PDCD1LG2: variants seen among roughly 807,000 people sequenced by gnomAD.
PDCD1LG2 encodes the protein programmed cell death 1 ligand 2.
In PDCD1LG2, 32 loss-of-function variants were observed where a neutral mutation model predicts 28.2. The ratio of observed to expected loss-of-function variants is 1.13; its 90% confidence interval spans 0.86 to 1.52. The LOEUF is 1.52. Ranked by LOEUF, PDCD1LG2 falls within the 40% of genes most tolerant of loss-of-function variation. PDCD1LG2 has a pLI of 0.00. For missense variants in PDCD1LG2, 385 were observed against 323.8 expected, an observed-to-expected ratio of 1.19 and a Z score of -1.45; for synonymous variants, 116 against 120.2, an observed-to-expected ratio of 0.97 and a Z score of 0.23.
intron 1 of PDCD1LG2, among the ~76,000 whole-genome samples, chr9:5,521,316 G>A (rs532915177): frequency 1.3e-5 from 2 of 152,208 alleles, no homozygotes; most frequent in African/African-American, 2.4e-5. Context: ...GCACAACTCC[G>A]TGAACATACT....
chr9:5,567,073 G>C (rs72689436), intron 6 of PDCD1LG2, among the ~76,000 whole-genome samples: 3,904 of 152,166 alleles, frequency 0.026, 73 homozygotes, highest in Admixed American at 0.04. Context: ...AAAAGAAGAA[G>C]AATACTTTCT....
chr9:5,534,657 G>C, intron 2 of PDCD1LG2, 88 bp from the exon 3 acceptor site: 1 of 1,210,848 alleles, frequency 8.3e-7, no homozygotes, highest in Non-Finnish European at 1.1e-6. Context: ...TGGAAAATGG[G>C]GGTGAGATGG....
At chr9:5,549,758 TG>T (rs1264686683) in intron 4 of PDCD1LG2, among the ~76,000 whole-genome samples, 154 bp downstream of exon 4, 4 of 152,204 alleles carry the variant, frequency 2.6e-5, no homozygotes, top group African/African-American at 9.6e-5. Flanking sequence ...TGCAGAACAC[TG>T]GGGCTTCAAT....
At chr9:5,557,545 C>A (rs137866377) in intron 4 of PDCD1LG2, 73 bp from the exon 5 acceptor site, 3 of 1,547,086 alleles carry the variant, frequency 1.9e-6, no homozygotes, top group Non-Finnish European at 2.7e-6. Flanking sequence ...CTGTCACCCA[C>A]TCATGTGGCC....
At chr9:5,522,732 C>A in intron 2 of PDCD1LG2, 131 bp downstream of exon 2, 2 of 692,522 alleles carry the variant, frequency 2.9e-6, no homozygotes, top group Non-Finnish European at 4.8e-6. Flanking sequence ...TGGGCTATTC[C>A]AAGCACCACA....
intron 3 of PDCD1LG2, among the ~76,000 whole-genome samples, chr9:5,541,974 T>C (rs1007299952): frequency 6.6e-6 from 1 of 152,076 alleles, no homozygotes; most frequent in Admixed American, 6.6e-5. Flanking sequence ...AATACTAGTA[T>C]AAAAATAGGC....
intron 3 of PDCD1LG2, among the ~76,000 whole-genome samples, chr9:5,541,244 A>G (rs1035099805): frequency 6.6e-6 from 1 of 152,322 alleles, no homozygotes. Flanking sequence ...CGACAAACCC[A>G]CAGCCAACAT....
At chr9:5,548,935 T>C (rs948057082) in intron 3 of PDCD1LG2, among the ~76,000 whole-genome samples, 8 of 152,200 alleles carry the variant, frequency 5.3e-5, no homozygotes, top group African/African-American at 1.7e-4. Flanking sequence ...TGGCCTCCAA[T>C]TGTGAAATAA....
intron 2 of PDCD1LG2, among the ~76,000 whole-genome samples, chr9:5,532,353 A>G (rs1331581986): frequency 6.6e-6 from 1 of 152,242 alleles, no homozygotes; most frequent in Non-Finnish European, 1.5e-5. Context: ...GTCATTTGAA[A>G]TAAATCTCAA....
At chr9:5,516,061 T>C (rs961453710) in intron 1 of PDCD1LG2, among the ~76,000 whole-genome samples, 2 of 151,976 alleles carry the variant, frequency 1.3e-5, no homozygotes, top group African/African-American at 4.8e-5. Flanking sequence ...TTGTTTGTTT[T>C]GTTTTTTTGA....
chr9:5,527,916 C>A (rs1018421330), intron 2 of PDCD1LG2, among the ~76,000 whole-genome samples: 1 of 152,118 alleles, frequency 6.6e-6, no homozygotes, highest in African/African-American at 2.4e-5. Context: ...GCAACCTCCG[C>A]CTCCCGGGTT....
chr9:5,529,542 T>C (rs116824955), intron 2 of PDCD1LG2, among the ~76,000 whole-genome samples: 285 of 152,064 alleles, frequency 1.9e-3, no homozygotes, highest in African/African-American at 6.8e-3. Context: ...CTTATATTTG[T>C]TTTTTTTCTT....
chr9:5,548,388 A>G (rs926946810), intron 3 of PDCD1LG2, among the ~76,000 whole-genome samples: 8 of 152,184 alleles, frequency 5.3e-5, no homozygotes, highest in African/African-American at 1.9e-4. Context: ...CATTTTCTTT[A>G]TTCATTCTCT....
At chr9:5,560,410 G>C (rs960701976) in intron 5 of PDCD1LG2, among the ~76,000 whole-genome samples, 1 of 152,196 alleles carries the variant, frequency 6.6e-6, no homozygotes, top group African/African-American at 2.4e-5. Flanking sequence ...CAGAATCTCT[G>C]GTCCTTCCAG....
At chr9:5,557,499 T>C (rs942791739) in intron 4 of PDCD1LG2, 119 bp from the exon 5 acceptor site, 2 of 1,158,790 alleles carry the variant, frequency 1.7e-6, no homozygotes, top group African/African-American at 1.5e-5. Flanking sequence ...TAGGGCCTGG[T>C]GTGGAGTAAA....
intron 2 of PDCD1LG2, among the ~76,000 whole-genome samples, chr9:5,524,942 T>C (rs994608820): frequency 1.3e-5 from 2 of 152,236 alleles, no homozygotes; most frequent in African/African-American, 2.4e-5. Context: ...TTGCTCCTTG[T>C]ACAGCCCCAG....
At chr9:5,526,410 T>C (rs555121270) in intron 2 of PDCD1LG2, among the ~76,000 whole-genome samples, 12 of 152,294 alleles carry the variant, frequency 7.9e-5, no homozygotes, top group African/African-American at 2.9e-4. Flanking sequence ...CACTATCTGA[T>C]ATGCCCTTTA....
At chr9:5,560,470 A>G in intron 5 of PDCD1LG2, among the ~76,000 whole-genome samples, 1 of 152,178 alleles carries the variant, frequency 6.6e-6, no homozygotes, top group East Asian at 1.9e-4. Flanking sequence ...CGATCCCCAC[A>G]CAGACCACAG....
intron 2 of PDCD1LG2, among the ~76,000 whole-genome samples, chr9:5,527,124 T>C (rs535791740): frequency 7.9e-5 from 12 of 152,258 alleles, no homozygotes; most frequent in Non-Finnish European, 1.6e-4. Context: ...AAACATTTTA[T>C]ATCATTTTTA....
Sources: gnomAD v4.1 joint callset for allele counts (sites outside exome capture counted in the v4.1 genomes callset) on GRCh38, gnomAD v4.1.1 for gene constraint, MANE v1.5 for transcripts, NCBI Gene and HGNC (gene_info 2026-07-23, HGNC 2026-07-21) for gene names.